The following PATL2 variants were observed in gnomAD, a reference collection of about 807,000 sequenced individuals.
PATL2 encodes PAT1 homolog 2, also known as protein PAT1 homolog 2.
Under a neutral mutation model 77.0 loss-of-function variants are expected in PATL2, and 73 were observed. The observed-to-expected ratio is 0.95, with a 90% CI of 0.78 to 1.15. The LOEUF (loss-of-function observed/expected upper bound fraction) is 1.15, where lower values mean the gene tolerates loss of function less well. PATL2 is among the 50% of genes most tolerant of loss of function. The probability of loss-of-function intolerance (pLI) is 0.00; values close to 1 mark genes in which losing one functional copy is unlikely to be tolerated. For missense variants in PATL2, 618 were observed against 655.4 expected, an observed-to-expected ratio of 0.94 and a Z score of 0.62; for synonymous variants, 265 against 257.1, an observed-to-expected ratio of 1.03 and a Z score of -0.29.
chr15:44,689,471 T>C (rs2086336408), intron 3 of PATL2, among the ~76,000 whole-genome samples: 1 of 152,168 alleles, frequency 6.6e-6, no homozygotes, highest in African/African-American at 2.4e-5. Context: ...CAAATGCCCA[T>C]TAATGATAGC....
intron 3 of PATL2, among the ~76,000 whole-genome samples, chr15:44,688,479 C>A (rs1359687894): frequency 1.3e-5 from 2 of 152,116 alleles, no homozygotes; most frequent in African/African-American, 2.4e-5. Flanking sequence ...GCTACAGTAA[C>A]CAGAACAGCA....
At chr15:44,670,603 A>G (rs1290634487) in intron 9 of PATL2, among the ~76,000 whole-genome samples, 1 of 152,190 alleles carries the variant, frequency 6.6e-6, no homozygotes, top group Non-Finnish European at 1.5e-5. Context: ...TGGGCCCCAC[A>G]TCACCCATCT....
intron 3 of PATL2, among the ~76,000 whole-genome samples, chr15:44,698,212 C>A (rs2086553158): frequency 6.6e-6 from 1 of 150,762 alleles, no homozygotes; most frequent in Admixed American, 6.6e-5. Context: ...ATGGTGTATC[C>A]CTTACCCCAA....
chr15:44,692,060 A>T (rs1365240027), intron 3 of PATL2, among the ~76,000 whole-genome samples: 1 of 152,232 alleles, frequency 6.6e-6, no homozygotes, highest in African/African-American at 2.4e-5. Context: ...ACATGAAAAA[A>T]CAATATAGAT....
At chr15:44,666,595 C>T in intron 16 of PATL2, 54 bp from the exon 17 acceptor site, 1 of 1,446,652 alleles carries the variant, frequency 6.9e-7, no homozygotes, top group African/African-American at 1.4e-5. Context: ...GAAACAGACT[C>T]AGGGCCAAGG....
At chr15:44,692,590 G>A (rs1288134137) in intron 3 of PATL2, among the ~76,000 whole-genome samples, 2 of 152,232 alleles carry the variant, frequency 1.3e-5, no homozygotes, top group Admixed American at 6.5e-5. Flanking sequence ...ACTTTCCCCA[G>A]TGCCGAGGAG....
At chr15:44,705,071 T>C (rs1265005222) in intron 3 of PATL2, among the ~76,000 whole-genome samples, 1 of 152,238 alleles carries the variant, frequency 6.6e-6, no homozygotes, top group African/African-American at 2.4e-5. Flanking sequence ...ATAACCTTCA[T>C]ATACTTGAAT....
intron 17 of PATL2, 23 bp from the exon 18 acceptor site, chr15:44,665,994 C>T (rs2085348987): frequency 6.6e-7 from 1 of 1,511,418 alleles, no homozygotes; most frequent in African/African-American, 1.4e-5. Flanking sequence ...CAGATATTAA[C>T]TGCAAGCACA....
intron 3 of PATL2, among the ~76,000 whole-genome samples, chr15:44,685,531 C>A (rs1379095684): frequency 6.6e-6 from 1 of 151,948 alleles, no homozygotes; most frequent in African/African-American, 2.4e-5. Context: ...TTGCTTGAAC[C>A]CAGGAGGCAG....
chr15:44,693,303 G>A (rs961281365), intron 3 of PATL2, among the ~76,000 whole-genome samples: 2 of 152,188 alleles, frequency 1.3e-5, no homozygotes, highest in African/African-American at 2.4e-5. Flanking sequence ...TAAAAATCAA[G>A]GTGGCAGCCG....
intron 14 of PATL2, 51 bp downstream of exon 14, chr15:44,668,929 C>T: frequency 6.8e-7 from 1 of 1,480,016 alleles, no homozygotes; most frequent in Non-Finnish European, 9.0e-7. Flanking sequence ...GGAGGAATGA[C>T]CCCTAACCTA....
At chr15:44,703,714 C>T (rs1035244996) in intron 3 of PATL2, among the ~76,000 whole-genome samples, 7 of 130,400 alleles carry the variant, frequency 5.4e-5, no homozygotes, top group Non-Finnish European at 9.3e-5. Context: ...AACAAATCAC[C>T]GGGTCTTGCT....
chr15:44,684,441 G>T (rs752434320), intron 3 of PATL2, among the ~76,000 whole-genome samples: 2 of 151,612 alleles, frequency 1.3e-5, no homozygotes, highest in African/African-American at 2.4e-5. Flanking sequence ...CAAGAACTTT[G>T]TGAAGCATTC....
chr15:44,669,239 C>A, intron 13 of PATL2, 41 bp downstream of exon 13: 1 of 1,535,822 alleles, frequency 6.5e-7, no homozygotes, highest in South Asian at 1.2e-5. Flanking sequence ...CTTTGCTGCT[C>A]CTTCCCTTCC....
intron 3 of PATL2, among the ~76,000 whole-genome samples, chr15:44,689,217 T>C (rs1484773423): frequency 6.6e-6 from 1 of 152,170 alleles, no homozygotes; most frequent in African/African-American, 2.4e-5. Context: ...AAACAACAGA[T>C]GCTGGGAGGA....
chr15:44,666,420 ATTGT>A lies in PATL2; in HGVS notation c.1581_1584del (p.Lys527AsnfsTer29). ...ATCCTGGCCTCCAGCTGCTGAACCA[ATTGT>A]TTGTCCACGTGGTGACAGAACAGGG... On this transcript the variant is annotated frameshift_variant, in exon 17 of 18. Coordinates refer to ENST00000682850, the MANE Select transcript of PATL2 (RefSeq NM_001387263.1). LOFTEE classifies it high-confidence loss of function. 1 of 1,551,696 alleles carries A rather than the reference ATTGT, an allele frequency of 6.4e-7. No individual in the cohort carries two copies. Among genetic ancestry groups the A allele is most frequent in the African/African-American group, 1.4e-5 (1 of 73,152 alleles).
intron 9 of PATL2, among the ~76,000 whole-genome samples, chr15:44,671,227 TG>T (rs1159936142): frequency 6.6e-6 from 1 of 152,158 alleles, no homozygotes; most frequent in African/African-American, 2.4e-5. Flanking sequence ...CGGTTGCTCA[TG>T]CCTGTAATCT....
chr15:44,669,860 C>T lies in PATL2; in HGVS notation c.793G>A (p.Gly265Ser), dbSNP rs928887955. 51 of 1,551,504 alleles carry T rather than the reference C, an allele frequency of 3.3e-5. No homozygotes were observed. Among genetic ancestry groups the T allele is most frequent in the African/African-American group, 2.1e-4 (15 of 73,012 alleles). Reference protein sequence around the residue: ...EAYESVVRIEGSLGQVAVSTC... With the variant: ...EAYESVVRIESSLGQVAVSTC... Reference sequence around the variant, plus strand: ...GACACAGCTACCTGGCCCAGGGAACCCTCGATTCGGACCACTGCATGAGAA... The same window carrying T: ...GACACAGCTACCTGGCCCAGGGAACTCTCGATTCGGACCACTGCATGAGAA... The change falls in exon 11 of 18, where the codon GGT becomes AGT. Residue 265 changes from glycine (G) to serine (S), a missense_variant. Physicochemically the swap from Gly to Ser is moderately conservative, Grantham distance 56. Coordinates refer to ENST00000682850, the MANE Select transcript of PATL2 (RefSeq NM_001387263.1).
chr15:44,697,548 G>A (rs2086533857), intron 3 of PATL2: 1 of 152,048 alleles, frequency 6.6e-6, no homozygotes, highest in Admixed American at 6.6e-5. Context: ...ACATCTTGTT[G>A]CTGGCTCCTG....
Sources: gnomAD v4.1 joint callset for allele counts (sites outside exome capture counted in the v4.1 genomes callset) on GRCh38, gnomAD v4.1.1 for gene constraint, MANE v1.5 for transcripts, NCBI Gene and HGNC (gene_info 2026-07-23, HGNC 2026-07-21) for gene names.